The following ELAPOR2 variants were observed in gnomAD, a reference collection of about 807,000 sequenced individuals.
ELAPOR2 encodes the protein endosome-lysosome associated apoptosis and autophagy regulator family member 2.
ELAPOR2 carries 89 observed loss-of-function variants against 120.7 expected under a neutral mutation model. The ratio of observed to expected loss-of-function variants is 0.74; its 90% CI spans 0.62 to 0.88. The LOEUF (loss-of-function observed/expected upper bound fraction) is 0.88. Ranked by LOEUF, ELAPOR2 falls within the 40% of genes least tolerant of loss-of-function variation. The pLI is 0.00. For synonymous variants in ELAPOR2, 444 were observed against 444.9 expected (o/e 1.00, Z 0.03); for missense variants, 1,134 against 1,251.6 (o/e 0.91, Z 1.42).
chr7:86,957,041 T>C (rs1190752331), intron 2 of ELAPOR2, among the ~76,000 whole-genome samples: 1 of 152,192 alleles, frequency 6.6e-6, no homozygotes, highest in Non-Finnish European at 1.5e-5. Flanking sequence ...AAAACACTTT[T>C]TTCAGAGAAG....
At chr7:86,885,221 T>G (rs1799631034) in intron 21 of ELAPOR2, among the ~76,000 whole-genome samples, 1 of 152,138 alleles carries the variant, frequency 6.6e-6, no homozygotes, top group Non-Finnish European at 1.5e-5. Flanking sequence ...GTCTCCAATA[T>G]GCAAGTCAAG....
At chr7:86,921,313 GGT>G (rs1284159074) in intron 10 of ELAPOR2, among the ~76,000 whole-genome samples, 1 of 152,016 alleles carries the variant, frequency 6.6e-6, no homozygotes, top group Non-Finnish European at 1.5e-5. Context: ...CAAAATGACT[GGT>G]GTCCTTATGA....
intron 2 of ELAPOR2, 86 bp from the exon 3 acceptor site, chr7:86,948,008 A>C: frequency 1.1e-6 from 1 of 915,576 alleles, no homozygotes; most frequent in Non-Finnish European, 1.6e-6. Context: ...TATTTTTATA[A>C]AACTCTGATT....
Position 87,059,579 on chromosome 7 carries a change from G to A in ELAPOR2, c.-66C>T, listed in dbSNP as rs1439140240. On this transcript the variant is annotated 5_prime_UTR_variant, in exon 1 of 22. Coordinates refer to ENST00000450689, the MANE Select transcript of ELAPOR2 (RefSeq NM_001142749.3). Reference sequence around the variant, plus strand: ...CTTCCCGGGGTGCGGCGGCAGCTCCGGCTCCCGGGCCGCGACTGCTGTGCG... The same window carrying A: ...CTTCCCGGGGTGCGGCGGCAGCTCCAGCTCCCGGGCCGCGACTGCTGTGCG... 3.5e-6 allele frequency: 4 copies of A among 1,136,686 alleles called. No homozygotes were observed. Among genetic ancestry groups the A allele is most frequent in the Non-Finnish European group, 4.3e-6 (4 of 928,052 alleles). The allele number at this position is 1,136,686 out of a possible 1,614,324, so 70.4% of individuals were successfully genotyped here.
intron 4 of ELAPOR2, among the ~76,000 whole-genome samples, chr7:86,942,682 A>T (rs1269313387): frequency 6.6e-6 from 1 of 152,096 alleles, no homozygotes; most frequent in Non-Finnish European, 1.5e-5. Flanking sequence ...TCAAATGATT[A>T]CAGATATCTT....
intron 1 of ELAPOR2, among the ~76,000 whole-genome samples, chr7:87,031,138 G>A (rs2116732978): frequency 6.6e-6 from 1 of 152,282 alleles, no homozygotes; most frequent in South Asian, 2.1e-4. Flanking sequence ...TTCAAGATGG[G>A]ATTTGGGTGG....
intron 1 of ELAPOR2, among the ~76,000 whole-genome samples, chr7:86,995,580 A>C (rs1793096651): frequency 6.6e-6 from 1 of 152,214 alleles, no homozygotes; most frequent in Non-Finnish European, 1.5e-5. Context: ...ATAACAACGT[A>C]AGACCTGGCT....
intron 1 of ELAPOR2, among the ~76,000 whole-genome samples, chr7:87,031,454 T>C (rs577231309): frequency 1.4e-4 from 22 of 152,288 alleles, no homozygotes; most frequent in African/African-American, 2.9e-4. Flanking sequence ...CATTCATTAA[T>C]TGATAGTTAA....
chr7:86,897,772 T>C (rs1788513531), intron 18 of ELAPOR2, 140 bp from the exon 19 acceptor site: 2 of 873,296 alleles, frequency 2.3e-6, no homozygotes, highest in Non-Finnish European at 3.5e-6. Context: ...GAAAAAAGTC[T>C]AAAAGACACA....
intron 1 of ELAPOR2, among the ~76,000 whole-genome samples, chr7:87,035,140 A>G (rs1289312565): frequency 1.3e-5 from 2 of 152,158 alleles, no homozygotes; most frequent in Non-Finnish European, 2.9e-5. Flanking sequence ...ATCAAGGTCA[A>G]ATATTTATCT....
intron 1 of ELAPOR2, among the ~76,000 whole-genome samples, chr7:86,981,988 CG>C (rs1562954226): frequency 6.6e-6 from 1 of 152,262 alleles, no homozygotes; most frequent in East Asian, 1.9e-4. Context: ...TCTTAGCAAA[CG>C]GCAAGCCAAG....
intron 8 of ELAPOR2, among the ~76,000 whole-genome samples, chr7:86,934,585 C>T (rs541666538): frequency 2.0e-5 from 3 of 152,062 alleles, no homozygotes; most frequent in African/African-American, 7.2e-5. Flanking sequence ...ACTTCTCCAG[C>T]CATTTTCCTC....
At chr7:87,035,828 C>T (rs1462544026) in intron 1 of ELAPOR2, among the ~76,000 whole-genome samples, 1 of 152,218 alleles carries the variant, frequency 6.6e-6, no homozygotes, top group African/African-American at 2.4e-5. Flanking sequence ...GAACAGTCTA[C>T]ATTTAAATCA....
At chr7:86,968,778 T>C (rs1486946139) in intron 1 of ELAPOR2, among the ~76,000 whole-genome samples, 1 of 152,194 alleles carries the variant, frequency 6.6e-6, no homozygotes, top group Non-Finnish European at 1.5e-5. Flanking sequence ...AACACATTGA[T>C]ATGAGTCAGA....
intron 1 of ELAPOR2, among the ~76,000 whole-genome samples, chr7:87,053,827 T>TA (rs2129018346): frequency 6.6e-6 from 1 of 152,308 alleles, no homozygotes; most frequent in Admixed American, 6.5e-5. Flanking sequence ...AGCTAACTCC[T>TA]ACTCATCCTT....
intron 10 of ELAPOR2, among the ~76,000 whole-genome samples, chr7:86,920,085 G>C (rs1789758312): frequency 1.3e-5 from 2 of 152,096 alleles, no homozygotes. Flanking sequence ...ATCTGCCACT[G>C]CAAGAGGTAA....
intron 12 of ELAPOR2, among the ~76,000 whole-genome samples, chr7:86,918,061 T>C (rs1377887848): frequency 1.3e-5 from 2 of 152,130 alleles, no homozygotes; most frequent in African/African-American, 4.8e-5. Context: ...TGCTCTTACT[T>C]ATTAGTACAA....
intron 1 of ELAPOR2, among the ~76,000 whole-genome samples, chr7:87,021,852 A>G (rs1794049927): frequency 1.3e-5 from 2 of 152,150 alleles, no homozygotes; most frequent in South Asian, 2.1e-4. Flanking sequence ...AGGCAAAACT[A>G]TATTTGGATT....
intron 1 of ELAPOR2, among the ~76,000 whole-genome samples, chr7:87,042,914 A>C (rs985472086): frequency 1.3e-5 from 2 of 152,242 alleles, no homozygotes; most frequent in South Asian, 2.1e-4. Flanking sequence ...CGCAATAAAA[A>C]ATGATAAAGG....
Sources: allele counts gnomAD v4.1 joint callset (sites outside exome capture counted in the v4.1 genomes callset), GRCh38; gene constraint gnomAD v4.1.1; transcripts MANE v1.5; gene names NCBI Gene and HGNC (gene_info 2026-07-23, HGNC 2026-07-21).